STPG2: variants seen among roughly 807,000 people sequenced by gnomAD.
The protein encoded by STPG2 is sperm tail PG-rich repeat containing 2.
A neutral mutation model predicts 54.2 loss-of-function variants in STPG2; 56 were observed. The observed-to-expected ratio is 1.03, with a 90% CI of 0.83 to 1.29. STPG2 has a LOEUF of 1.29. STPG2 is among the 50% of genes most tolerant of loss of function. The pLI, the probability that STPG2 is intolerant of heterozygous loss-of-function variation, is 0.00. For missense variants in STPG2, 596 were observed against 544.9 expected (o/e 1.09, Z -0.93); for synonymous variants, 200 against 181.8 (o/e 1.10, Z -0.81).
chr4:97,874,464 A>C (rs916510443), intron 8 of STPG2, among the ~76,000 whole-genome samples: 1 of 151,756 alleles, frequency 6.6e-6, no homozygotes, highest in Non-Finnish European at 1.5e-5. Context: ...CAAACAATAA[A>C]AATTTTCACC....
intron 4 of STPG2, among the ~76,000 whole-genome samples, chr4:97,477,990 G>C (rs985745149): frequency 1.3e-5 from 2 of 152,146 alleles, no homozygotes; most frequent in African/African-American, 4.8e-5. Flanking sequence ...TGAAGAATAG[G>C]AAGTCTAATT....
At chr4:98,082,433 C>A (rs1738375176) in intron 5 of STPG2, among the ~76,000 whole-genome samples, 1 of 71,402 alleles carries the variant, frequency 1.4e-5, no homozygotes, top group Non-Finnish European at 2.7e-5. Flanking sequence ...TGCAGGTCCA[C>A]TTTTTTTTTT....
At chr4:97,471,215 C>T (rs576467925) in intron 4 of STPG2, among the ~76,000 whole-genome samples, 12 of 152,190 alleles carry the variant, frequency 7.9e-5, no homozygotes, top group Admixed American at 5.9e-4. Context: ...GGGTAAGTAA[C>T]TAAAACTGCA....
At chr4:98,045,544 C>T (rs1737097478) in intron 5 of STPG2, among the ~76,000 whole-genome samples, 1 of 152,202 alleles carries the variant, frequency 6.6e-6, no homozygotes, top group African/African-American at 2.4e-5. Flanking sequence ...TGGTGATAAA[C>T]TCCCTTGGCT....
At chr4:98,041,197 C>G (rs1216186194) in intron 5 of STPG2, among the ~76,000 whole-genome samples, 8 of 151,860 alleles carry the variant, frequency 5.3e-5, no homozygotes, top group African/African-American at 1.7e-4. Flanking sequence ...CGAAACTTTA[C>G]TGAATTCATT....
intron 10 of STPG2, among the ~76,000 whole-genome samples, chr4:97,628,819 G>C (rs1310658725): frequency 6.6e-6 from 1 of 151,890 alleles, no homozygotes; most frequent in Non-Finnish European, 1.5e-5. Context: ...AAATAATATT[G>C]ATTTTTACAA....
intron 10 of STPG2, among the ~76,000 whole-genome samples, chr4:97,613,967 C>T (rs1433833407): frequency 6.6e-6 from 1 of 151,984 alleles, no homozygotes; most frequent in Non-Finnish European, 1.5e-5. Flanking sequence ...GCTTCATCTA[C>T]AGCTACAACT....
At chr4:98,141,176 T>C (rs545244890) in intron 1 of STPG2, among the ~76,000 whole-genome samples, 10 of 152,272 alleles carry the variant, frequency 6.6e-5, no homozygotes, top group African/African-American at 2.2e-4. Flanking sequence ...TACTTTCCAA[T>C]CTGACTCTGG....
chr4:97,696,230 C>T (rs1200419951), intron 10 of STPG2, among the ~76,000 whole-genome samples: 1 of 152,178 alleles, frequency 6.6e-6, no homozygotes, highest in Non-Finnish European at 1.5e-5. Flanking sequence ...CAAATACTTA[C>T]AGTCAATTGA....
intron 8 of STPG2, among the ~76,000 whole-genome samples, chr4:97,896,841 CATT>C (rs1730973980): frequency 6.6e-6 from 1 of 151,692 alleles, no homozygotes; most frequent in African/African-American, 2.4e-5. Flanking sequence ...TTCACTAAAA[CATT>C]AACAGTTGCT....
At chr4:97,578,711 A>C (rs533713222) in intron 10 of STPG2, among the ~76,000 whole-genome samples, 1 of 152,164 alleles carries the variant, frequency 6.6e-6, no homozygotes, top group South Asian at 2.1e-4. Flanking sequence ...ATTTCCCTGC[A>C]ATTTTCAACA....
chr4:97,977,759 A>G (rs1046467416), intron 6 of STPG2, among the ~76,000 whole-genome samples: 1 of 152,210 alleles, frequency 6.6e-6, no homozygotes, highest in African/African-American at 2.4e-5. Context: ...AGTAGCAAAC[A>G]ATTATACGAA....
At chr4:97,887,497 G>T (rs1053425756) in intron 8 of STPG2, among the ~76,000 whole-genome samples, 1 of 152,156 alleles carries the variant, frequency 6.6e-6, no homozygotes, top group Non-Finnish European at 1.5e-5. Context: ...ATGATTTAGG[G>T]TATCTAACAG....
At chr4:98,028,449 CT>C (rs1560644548) in intron 5 of STPG2, among the ~76,000 whole-genome samples, 1 of 152,172 alleles carries the variant, frequency 6.6e-6, no homozygotes, top group East Asian at 1.9e-4. Context: ...TTTAGCTACA[CT>C]TTCTACCACT....
chr4:97,683,889 A>G (rs1468435383), intron 10 of STPG2, among the ~76,000 whole-genome samples: 1 of 151,860 alleles, frequency 6.6e-6, no homozygotes, highest in Non-Finnish European at 1.5e-5. Flanking sequence ...ATCTTTCTGG[A>G]ACTAATAAGC....
chr4:97,951,075 C>T (rs1733446378), intron 7 of STPG2, among the ~76,000 whole-genome samples: 1 of 152,146 alleles, frequency 6.6e-6, no homozygotes. Context: ...TCTTGTGGCC[C>T]CCACCCAGGG....
chr4:98,038,413 T>G (rs11097600), intron 5 of STPG2, among the ~76,000 whole-genome samples: 59,170 of 151,786 alleles, frequency 0.39, 11,731 homozygotes, highest in Middle Eastern at 0.46. Flanking sequence ...GGAAACAATT[T>G]TTTTTTATTT....
At chr4:97,800,665 G>A (rs947645029) in intron 9 of STPG2, among the ~76,000 whole-genome samples, 4 of 152,160 alleles carry the variant, frequency 2.6e-5, no homozygotes, top group Admixed American at 1.3e-4. Flanking sequence ...TCCATTCTCC[G>A]ATCTCAAACT....
At chr4:97,847,534 T>C (rs76127125) in intron 8 of STPG2, among the ~76,000 whole-genome samples, 2,148 of 152,228 alleles carry the variant, frequency 0.014, 31 homozygotes, top group Non-Finnish European at 0.025. Flanking sequence ...CTGGAAAACA[T>C]GATACTTCAA....
Sources: gnomAD v4.1 joint callset for allele counts (sites outside exome capture counted in the v4.1 genomes callset) on GRCh38, gnomAD v4.1.1 for gene constraint, MANE v1.5 for transcripts, NCBI Gene and HGNC (gene_info 2026-07-23, HGNC 2026-07-21) for gene names.